PRKAA2: variants seen among roughly 807,000 people sequenced by gnomAD.
The protein encoded by PRKAA2 is protein kinase AMP-activated catalytic subunit alpha 2.
Under a neutral mutation model 56.3 loss-of-function variants are expected in PRKAA2, and 40 were observed. The ratio of observed to expected loss-of-function variants is 0.71; its 90% CI spans 0.55 to 0.92. PRKAA2 has a LOEUF of 0.92. Ranked by LOEUF, PRKAA2 falls within the 40% of genes least tolerant of loss-of-function variation. The probability of loss-of-function intolerance (pLI) is 0.00; values close to 1 mark genes in which losing one functional copy is unlikely to be tolerated. For missense variants in PRKAA2, 542 were observed against 686.9 expected (o/e 0.79, Z 2.36); for synonymous variants, 214 against 234.2 (o/e 0.91, Z 0.79).
rs367594808 is a variant in PRKAA2 at position 56,692,639 on chromosome 1, C to CT, written c.475+147dup. The CT allele has an allele frequency of 6.7e-3, 4,452 of 663,772 alleles. 32 individuals are homozygous for CT. The highest frequency in any genetic ancestry group is 0.034 in the African/African-American group (1,765 of 51,318). The allele number at this position is 663,772 out of a possible 1,614,324, so 41.1% of individuals were successfully genotyped here. A position where few individuals can be genotyped will look rare whatever the true frequency, so the allele number is the denominator to read the frequency against. The stretch of plus-strand genomic sequence containing the variant: ...GAATTAGCTGAAATCTCCTCAGTAG[C>CT]TTTTTTTTTTCATTTAATTAAATTT... On this transcript the variant is annotated intron_variant, in intron 4 of 8. Coordinates refer to ENST00000371244, the MANE Select transcript of PRKAA2 (RefSeq NM_006252.4).
intron 1 of PRKAA2, among the ~76,000 whole-genome samples, chr1:56,658,998 T>C (rs977203953): frequency 1.3e-5 from 2 of 150,396 alleles, no homozygotes; most frequent in African/African-American, 4.9e-5. Flanking sequence ...AGATGGGGTC[T>C]TCCTATGTTG....
intron 2 of PRKAA2, among the ~76,000 whole-genome samples, chr1:56,675,005 T>C (rs1203827637): frequency 2.6e-5 from 4 of 152,148 alleles, no homozygotes; most frequent in African/African-American, 9.6e-5. Context: ...AAAGTAGTAC[T>C]ATAACCATAA....
At chr1:56,702,164 A>G (rs1260282363) in intron 6 of PRKAA2, among the ~76,000 whole-genome samples, 2 of 151,314 alleles carry the variant, frequency 1.3e-5, no homozygotes, top group Admixed American at 6.6e-5. Flanking sequence ...GCTCACCGCA[A>G]CCTCCGCCTC....
At position 56,714,537 on chromosome 1, in the gene PRKAA2, G is replaced by T. The variant is rs1644393164; in HGVS notation, c.*6824G>T. 6.6e-6 allele frequency: 1 copy of T among 152,152 alleles called. No homozygotes were observed. Among genetic ancestry groups the T allele is most frequent in the African/African-American group, 2.4e-5 (1 of 41,452 alleles). The allele number at this position is 152,152 out of a possible 1,614,324, so 9.4% of individuals were successfully genotyped here. A position where few individuals can be genotyped will look rare whatever the true frequency, so the allele number is the denominator to read the frequency against. ...CATTTAATATTTCTTGAGACCTCAA[G>T]TATTCAAATATCAAACTTGTCCTGT... On this transcript the variant is annotated 3_prime_UTR_variant, in exon 9 of 9. Transcript: ENST00000371244.
At position 56,674,549 on chromosome 1, in the gene PRKAA2, C is replaced by T. The variant is rs768448153; in HGVS notation, c.236+27C>T. 9.5e-6 allele frequency: 13 copies of T among 1,372,530 alleles called. No individual in the cohort carries two copies. The South Asian group carries it at 1.9e-4, about 20-fold the overall frequency. The allele number at this position is 1,372,530 out of a possible 1,614,324, so 85.0% of individuals were successfully genotyped here. A position where few individuals can be genotyped will look rare whatever the true frequency, so the allele number is the denominator to read the frequency against. On this transcript the variant is annotated intron_variant, in intron 2 of 8. Transcript: ENST00000371244. ...TAAGTATTTTTGTATCTAATAATAC[C>T]AAAGAGACACCTATCTTAAAATGTT...
At chr1:56,660,751 G>A (rs1238667475) in intron 1 of PRKAA2, among the ~76,000 whole-genome samples, 3 of 152,134 alleles carry the variant, frequency 2.0e-5, no homozygotes, top group Admixed American at 6.5e-5. Context: ...TTTCCAGTTT[G>A]CTCACTTGTA....
chr1:56,673,145 G>A (rs1469381594), intron 1 of PRKAA2, among the ~76,000 whole-genome samples: 2 of 152,042 alleles, frequency 1.3e-5, no homozygotes, highest in African/African-American at 2.4e-5. Context: ...GCTGAGGCAG[G>A]AGGATCACTT....
chr1:56,706,573 G>A (rs1187614841), intron 8 of PRKAA2, among the ~76,000 whole-genome samples: 1 of 152,210 alleles, frequency 6.6e-6, no homozygotes, highest in Non-Finnish European at 1.5e-5. Context: ...GTATTATAGT[G>A]TCTAAACTTT....
chr1:56,655,260 T>TTATATACATATATATA (rs368198472), intron 1 of PRKAA2, among the ~76,000 whole-genome samples: 21 of 71,698 alleles, frequency 2.9e-4, no homozygotes, highest in African/African-American at 9.5e-4. Flanking sequence ...ATGTATGTAT[T>TTATATACATATATATA]TATATATCTA....
Position 56,706,133 on chromosome 1 carries a change from A to G in PRKAA2, c.1335A>G (p.Pro445=), listed in dbSNP as rs1357309242. The part of the protein sequence containing the change: ...AYHLRVRRKN[P]VTGNYVKMSL... ...ATCTTCGTGTAAGAAGAAAAAATCC[A>G]GTGACTGGCAATTACGTGAAAATGA... is the stretch of plus-strand genomic sequence containing the variant. Residue 445 remains proline (P), a synonymous_variant, in exon 8 of 9, where the codon CCA becomes CCG. Transcript: ENST00000371244. 4.3e-6 allele frequency: 7 copies of G among 1,612,822 alleles called. No individual in the cohort carries two copies. The highest frequency in any genetic ancestry group is 4.0e-5 in the African/African-American group (3 of 74,906).
intron 6 of PRKAA2, among the ~76,000 whole-genome samples, chr1:56,703,705 C>T (rs1442264332): frequency 6.6e-6 from 1 of 152,134 alleles, no homozygotes. Context: ...TCATTGGCAA[C>T]AAATATTGCT....
At chr1:56,693,021 T>G (rs1458100497) in intron 4 of PRKAA2, among the ~76,000 whole-genome samples, 1 of 152,178 alleles carries the variant, frequency 6.6e-6, no homozygotes, top group Non-Finnish European at 1.5e-5. Context: ...TAAAATGTGA[T>G]TTTTATACTC....
intron 1 of PRKAA2, among the ~76,000 whole-genome samples, chr1:56,654,208 T>C (rs184563830): frequency 6.6e-6 from 1 of 152,274 alleles, no homozygotes; most frequent in Non-Finnish European, 1.5e-5. Flanking sequence ...ATGAGCTTTC[T>C]CCCTTTTTCA....
intron 6 of PRKAA2, among the ~76,000 whole-genome samples, chr1:56,702,241 G>T (rs182708933): frequency 6.6e-6 from 1 of 152,112 alleles, no homozygotes; most frequent in South Asian, 2.1e-4. Context: ...GTGCCACCAC[G>T]CCCGGCTAAT....
chr1:56,649,514 T>TTTGATTGA (rs150313417), intron 1 of PRKAA2, among the ~76,000 whole-genome samples: 3 of 152,036 alleles, frequency 2.0e-5, no homozygotes, highest in Non-Finnish European at 4.4e-5. Flanking sequence ...AGACCCTGTC[T>TTTGATTGA]TTGATTGATT....
intron 1 of PRKAA2, among the ~76,000 whole-genome samples, chr1:56,673,736 T>G (rs1644093922): frequency 6.6e-6 from 1 of 152,224 alleles, no homozygotes. Flanking sequence ...CTGGTCATCT[T>G]GTCCAAGGAG....
chr1:56,679,706 A>G (rs1309665702), intron 2 of PRKAA2, among the ~76,000 whole-genome samples: 1 of 152,098 alleles, frequency 6.6e-6, no homozygotes, highest in African/African-American at 2.4e-5. Context: ...CTAGGCTGCC[A>G]ATTCCAACTT....
chr1:56,681,488 A>C (rs1410289661), intron 2 of PRKAA2, among the ~76,000 whole-genome samples: 2 of 152,140 alleles, frequency 1.3e-5, no homozygotes, highest in African/African-American at 2.4e-5. Flanking sequence ...TTATGGTTTT[A>C]GGTCTAACAT....
intron 2 of PRKAA2, among the ~76,000 whole-genome samples, chr1:56,680,007 C>T (rs182473822): frequency 1.8e-4 from 28 of 152,262 alleles, no homozygotes; most frequent in African/African-American, 5.1e-4. Flanking sequence ...GTAAATAATA[C>T]ATTTAACATG....
Sources: gnomAD v4.1 joint callset for allele counts (sites outside exome capture counted in the v4.1 genomes callset) on GRCh38, gnomAD v4.1.1 for gene constraint, MANE v1.5 for transcripts, NCBI Gene and HGNC (gene_info 2026-07-23, HGNC 2026-07-21) for gene names.